Variants in CCDC171 observed in about 807,000 individuals in gnomAD.
The protein encoded by CCDC171 is coiled-coil domain-containing protein 171.
In CCDC171, 177 loss-of-function variants were observed where a neutral mutation model predicts 168.2. The ratio of observed to expected loss-of-function variants is 1.05; its 90% confidence interval spans 0.93 to 1.19. The LOEUF (loss-of-function observed/expected upper bound fraction) is 1.19, where lower values mean the gene tolerates loss of function less well. Ranked by LOEUF, CCDC171 falls within the 50% of genes most tolerant of loss-of-function variation. CCDC171 has a pLI of 0.00. For synonymous variants in CCDC171, 687 were observed against 540.8 expected, an observed-to-expected ratio of 1.27 and a Z score of -3.75; for missense variants, 1,991 against 1,539.0, an observed-to-expected ratio of 1.29 and a Z score of -4.91.
rs559729722 is a variant in CCDC171, at chr9:16,053,225, G to C, written n.90-7421G>C. Among the ~76,000 whole-genome samples the C allele has an allele frequency of 2.6e-5, 4 of 152,366 alleles. No homozygotes were observed. In the East Asian group the frequency reaches 7.7e-4, roughly 29 times the overall value. On this transcript the variant is annotated intron_variant and non_coding_transcript_variant, in intron 1 of 1. Coordinates refer to the CCDC171 transcript ENST00000478913. ...AGGAACTTGAAACCTGCAGTGCTCA[G>C]GGGACCTGCCCAAGGTCAACCATCA...
At position 15,677,925 on chromosome 9, in the gene CCDC171, T is replaced by TATATATATAAA. The variant is rs59883669; in HGVS notation, c.1077-832_1077-831insTATATATAAAA. Among the ~76,000 whole-genome samples, 26 of 41,862 alleles carry TATATATATAAA rather than the reference T, an allele frequency of 6.2e-4. 1 individual carries two copies. The highest frequency in any genetic ancestry group is 2.4e-3 in the African/African-American group (24 of 9,952). The allele number at this position is 41,862 out of a possible 152,430, so 27.5% of individuals were successfully genotyped here. ...ATATATATATATATATATATATATATAAGAGATGTGGTCTCATTCTGTTAC... is the reference window on the plus strand; with the variant it reads ...ATATATATATATATATATATATATATATATATATAAAAAGAGATGTGGTCTCATTCTGTTAC... On this transcript the variant is annotated intron_variant, in intron 9 of 25. Transcript: ENST00000380701.
At chr9:16,000,177 G>T (rs1036577833) in intron 3 of CCDC171, among the ~76,000 whole-genome samples, 1 of 152,122 alleles carries the variant, frequency 6.6e-6, no homozygotes, top group South Asian at 2.1e-4. Flanking sequence ...CCTCCTCATT[G>T]TGAAATCCAA....
chr9:16,041,163 G>A (rs1833565689), upstream of CCDC171, among the ~76,000 whole-genome samples: 1 of 152,310 alleles, frequency 6.6e-6, no homozygotes, highest in Non-Finnish European at 1.5e-5. Context: ...TAAGCACATG[G>A]GCTTCCTTTG....
chr9:15,836,341 G>T (rs2060449362), intron 21 of CCDC171, among the ~76,000 whole-genome samples: 1 of 151,960 alleles, frequency 6.6e-6, no homozygotes, highest in Non-Finnish European at 1.5e-5. Context: ...GAACGCTGTT[G>T]GTCTTGTTTT....
At chr9:16,016,791 A>C (rs79988061) in intron 3 of CCDC171, among the ~76,000 whole-genome samples, 1,744 of 152,348 alleles carry the variant, frequency 0.011, 8 homozygotes, top group Non-Finnish European at 0.019. Flanking sequence ...ACTCTAATGT[A>C]ATGAATAATT....
At chr9:16,078,055 AACACACACACACAC>A in the CCDC171 span, among the ~76,000 whole-genome samples, 3,268 of 143,846 alleles carry the variant, frequency 0.023, 96 homozygotes, top group African/African-American at 0.067. Context: ...CACCCATGCA[AACACACACACACAC>A]ACACACACAC....
rs767220664 is a variant in CCDC171 at position 15,922,251 on chromosome 9, G to C, written c.3753+1829G>C. On this transcript the variant is annotated intron_variant, in intron 25 of 25. Coordinates refer to ENST00000380701, the MANE Select transcript of CCDC171 (RefSeq NM_173550.4). ...CCAATTCCATGTCTTGACAGGATGT[G>C]TGCTCTCCTGTCTTTTCCCTTAGTT... The C allele has an allele frequency of 1.0e-5, 3 of 287,922 alleles. 1 individual carries two copies. Among genetic ancestry groups the C allele is most frequent in the South Asian group, 9.9e-5 (3 of 30,356 alleles). 17.8% of individuals were successfully genotyped at this position (287,922 alleles called of 1,614,324 possible). A position where few individuals can be genotyped will look rare whatever the true frequency, so the allele number is the denominator to read the frequency against.
chr9:15,717,733 C>T lies in CCDC171; in HGVS notation c.1319-4036C>T, dbSNP rs547443257. Among the ~76,000 whole-genome samples, 6 of 152,268 alleles carry T rather than the reference C, an allele frequency of 3.9e-5. No individual in the cohort carries two copies. The South Asian group carries it at 1.2e-3, about 32-fold the overall frequency. ...ATGACATTTCTAGACACACCCTTGG[C>T]CAGAAGGGAATCTACTGCCTTGAAG... On this transcript the variant is annotated intron_variant, in intron 11 of 25. Transcript: ENST00000380701.
intron 24 of CCDC171, among the ~76,000 whole-genome samples, chr9:15,890,479 A>G (rs1037796746): frequency 2.0e-5 from 3 of 151,972 alleles, no homozygotes; most frequent in African/African-American, 7.3e-5. Context: ...AGTGAAGTCT[A>G]TAGGATGACT....
chr9:15,575,591 G>C (rs2040585701), intron 3 of CCDC171, among the ~76,000 whole-genome samples: 2 of 152,110 alleles, frequency 1.3e-5, no homozygotes, highest in East Asian at 1.9e-4. Context: ...TCTTAAGCTG[G>C]AGTCCTCAGA....
intron 6 of CCDC171, among the ~76,000 whole-genome samples, chr9:15,598,424 A>T (rs1175632949): frequency 1.3e-5 from 2 of 151,932 alleles, no homozygotes; most frequent in African/African-American, 4.8e-5. Flanking sequence ...GTCATTCAGG[A>T]GTAGGTTGTT....
At chr9:16,080,468 C>A in the CCDC171 span, among the ~76,000 whole-genome samples, 1 of 152,082 alleles carries the variant, frequency 6.6e-6, no homozygotes, top group Non-Finnish European at 1.5e-5. Context: ...TTTTCTCTAT[C>A]TCTAAAATAT....
chr9:15,789,751 CT>C (rs2058152214), intron 21 of CCDC171, among the ~76,000 whole-genome samples: 3 of 122,310 alleles, frequency 2.5e-5, no homozygotes, highest in South Asian at 6.5e-4. Flanking sequence ...TACCTTCCCC[CT>C]CCCCCCACCC....
At chr9:15,686,679 T>C (rs1270806690) in intron 10 of CCDC171, among the ~76,000 whole-genome samples, 1 of 152,180 alleles carries the variant, frequency 6.6e-6, no homozygotes, top group Non-Finnish European at 1.5e-5. Flanking sequence ...GGACATCTCA[T>C]GTTGTTAAAA....
intron 10 of CCDC171, among the ~76,000 whole-genome samples, chr9:15,691,876 C>T (rs1158997086): frequency 6.6e-6 from 1 of 151,934 alleles, no homozygotes; most frequent in Non-Finnish European, 1.5e-5. Context: ...TGGGATCTCA[C>T]TATGTTGCCC....
chr9:15,591,421 T>C lies in CCDC171; in HGVS notation c.408T>C (p.Thr136=). The change falls in exon 5 of 26, where the codon ACT becomes ACC. Residue 136 remains threonine (T), a synonymous_variant. Coordinates refer to ENST00000380701, the MANE Select transcript of CCDC171 (RefSeq NM_173550.4). ...ATGAGACTGAGAAAGCATTTCAGAC[T>C]TCTCAGCAAAAATGGAAAGAAGAAT... is the stretch of plus-strand genomic sequence containing the variant. The part of the protein sequence containing the change: ...KTNETEKAFQ[T]SQQKWKEECR... The C allele has an allele frequency of 6.2e-7, 1 of 1,609,558 alleles. No homozygotes were observed. Among genetic ancestry groups the C allele is most frequent in the Non-Finnish European group, 8.5e-7 (1 of 1,178,564 alleles).
chr9:15,554,272 G>C (rs1417617637), intron 1 of CCDC171, among the ~76,000 whole-genome samples: 4 of 152,118 alleles, frequency 2.6e-5, no homozygotes, highest in Admixed American at 2.6e-4. Context: ...CGCCCGCCTC[G>C]GCCTCCCAAA....
intron 21 of CCDC171, among the ~76,000 whole-genome samples, chr9:15,804,155 A>G (rs769276171): frequency 6.6e-6 from 1 of 152,154 alleles, no homozygotes; most frequent in Non-Finnish European, 1.5e-5. Context: ...TTTTCTAGGT[A>G]TAGAATTATG....
chr9:15,925,723 T>C (rs2132066008), intron 25 of CCDC171, among the ~76,000 whole-genome samples: 1 of 151,678 alleles, frequency 6.6e-6, no homozygotes, highest in African/African-American at 2.4e-5. Context: ...GAATGTAGTT[T>C]TGAGTATGTT....
Sources: gnomAD v4.1 joint callset for allele counts (sites outside exome capture counted in the v4.1 genomes callset) on GRCh38, gnomAD v4.1.1 for gene constraint, MANE v1.5 for transcripts, NCBI Gene and HGNC (gene_info 2026-07-23, HGNC 2026-07-21) for gene names.